The following GRM5 variants were observed in gnomAD, a reference collection of about 807,000 sequenced individuals.
GRM5 encodes metabotropic glutamate receptor 5.
In GRM5, 19 loss-of-function variants were observed where a neutral mutation model predicts 83.1. The observed-to-expected ratio is 0.23, with a 90% CI of 0.16 to 0.34. The LOEUF is 0.34. Ranked by LOEUF, GRM5 falls within the 10% of genes least tolerant of loss-of-function variation. The probability of loss-of-function intolerance (pLI) is 1.00; values close to 1 mark genes in which losing one functional copy is unlikely to be tolerated. For synonymous variants in GRM5, 675 were observed against 633.6 expected, an observed-to-expected ratio of 1.07 and a Z score of -0.98; for missense variants, 1,160 against 1,588.3, an observed-to-expected ratio of 0.73 and a Z score of 4.58.
At chr11:88,858,774 G>T (rs1478689903) in intron 2 of GRM5, among the ~76,000 whole-genome samples, 3 of 151,970 alleles carry the variant, frequency 2.0e-5, no homozygotes, top group African/African-American at 7.2e-5. Context: ...AATTTGGAAA[G>T]AAATTTTTAA....
At position 89,005,332 on chromosome 11, in the gene GRM5, T is replaced by C. The variant is rs1340608951; in HGVS notation, c.661+41880A>G. Among the ~76,000 whole-genome samples, 6 of 152,062 alleles carry C rather than the reference T, an allele frequency of 3.9e-5. 1 individual carries two copies. The South Asian group carries it at 6.2e-4, about 16-fold the overall frequency. ...CTATACATTTCATATCGGGAAGGAATTGGAAAGAGCAGAAATAACAGGAGT... is the reference window on the plus strand; with the variant it reads ...CTATACATTTCATATCGGGAAGGAACTGGAAAGAGCAGAAATAACAGGAGT... On this transcript the variant is annotated intron_variant, in intron 2 of 9. Transcript: ENST00000305447.
At chr11:88,781,604 G>T (rs1942978382) in intron 3 of GRM5, among the ~76,000 whole-genome samples, 1 of 152,130 alleles carries the variant, frequency 6.6e-6, no homozygotes, top group Non-Finnish European at 1.5e-5. Context: ...TCTCACAAAT[G>T]GTTCCCTGGT....
At chr11:89,007,717 A>G (rs1940571377) in intron 2 of GRM5, among the ~76,000 whole-genome samples, 1 of 152,218 alleles carries the variant, frequency 6.6e-6, no homozygotes, top group Non-Finnish European at 1.5e-5. Flanking sequence ...AACCTCTGGT[A>G]GCAGAATGCA....
At chr11:88,516,776 A>G (rs1260102778) in intron 9 of GRM5, among the ~76,000 whole-genome samples, 1 of 151,530 alleles carries the variant, frequency 6.6e-6, no homozygotes, top group Non-Finnish European at 1.5e-5. Context: ...TGTCAGTTCT[A>G]GTCCCATTTC....
At chr11:88,717,363 A>G (rs1235625889) in intron 3 of GRM5, among the ~76,000 whole-genome samples, 1 of 151,944 alleles carries the variant, frequency 6.6e-6, no homozygotes, top group African/African-American at 2.4e-5. Flanking sequence ...GGCTAACATT[A>G]TTTATTGAAT....
intron 3 of GRM5, among the ~76,000 whole-genome samples, chr11:88,797,506 A>G (rs923074313): frequency 6.6e-6 from 1 of 152,258 alleles, no homozygotes; most frequent in African/African-American, 2.4e-5. Context: ...TATAATAAGC[A>G]TATCTTAAAT....
intron 2 of GRM5, among the ~76,000 whole-genome samples, chr11:89,041,882 C>A (rs1444931406): frequency 6.6e-6 from 1 of 152,040 alleles, no homozygotes; most frequent in Non-Finnish European, 1.5e-5. Context: ...ACAATCAATC[C>A]ATAATTTCAA....
intron 2 of GRM5, among the ~76,000 whole-genome samples, chr11:88,895,305 C>T (rs1430073845): frequency 6.6e-6 from 1 of 151,710 alleles, no homozygotes; most frequent in Non-Finnish European, 1.5e-5. Flanking sequence ...TGGAGGTAAC[C>T]CTACATCCTA....
chr11:88,971,315 A>C (rs1160643502), intron 2 of GRM5, among the ~76,000 whole-genome samples: 1 of 152,164 alleles, frequency 6.6e-6, no homozygotes, highest in East Asian at 1.9e-4. Context: ...TCACCGGCAC[A>C]TGTGCGGGTT....
At chr11:88,698,087 G>A (rs758383022) in intron 3 of GRM5, among the ~76,000 whole-genome samples, 24 of 152,100 alleles carry the variant, frequency 1.6e-4, no homozygotes, top group African/African-American at 2.9e-4. Context: ...ATTCAGACTC[G>A]TCCTCTGCCA....
At chr11:88,993,379 G>C (rs1336779826) in intron 2 of GRM5, among the ~76,000 whole-genome samples, 2 of 151,756 alleles carry the variant, frequency 1.3e-5, no homozygotes, top group Non-Finnish European at 2.9e-5. Flanking sequence ...TGTGTTCTTG[G>C]TACCCTTATT....
intron 8 of GRM5, among the ~76,000 whole-genome samples, chr11:88,556,631 C>T (rs1942635437): frequency 2.0e-5 from 3 of 152,052 alleles, no homozygotes. Context: ...CTGTGGGATA[C>T]ATCCTGTATT....
intron 8 of GRM5, among the ~76,000 whole-genome samples, chr11:88,549,235 G>T (rs568443327): frequency 2.6e-5 from 4 of 152,088 alleles, no homozygotes; most frequent in Non-Finnish European, 5.9e-5. Context: ...AGACCAGGGA[G>T]GGTGGATTTC....
At chr11:88,719,735 T>A (rs1263880794) in intron 3 of GRM5, among the ~76,000 whole-genome samples, 1 of 151,986 alleles carries the variant, frequency 6.6e-6, no homozygotes, top group Non-Finnish European at 1.5e-5. Flanking sequence ...CTATTGGCTC[T>A]TGACTTTAAT....
intron 2 of GRM5, among the ~76,000 whole-genome samples, chr11:88,975,065 T>C (rs115412296): frequency 0.022 from 3,394 of 152,314 alleles, 130 homozygotes; most frequent in African/African-American, 0.078. Context: ...CAGATAAATA[T>C]GTATTTGAGA....
intron 1 of GRM5, among the ~76,000 whole-genome samples, chr11:89,064,925 AGAGAGAGAGAGAGAGG>A (rs1298973115): frequency 2.4e-4 from 17 of 70,032 alleles, no homozygotes; most frequent in East Asian, 4.6e-4. Flanking sequence ...TGAGAGAGAG[AGAGAGAGAGAGAGAGG>A]GAGAGAGAGA....
chr11:88,940,676 T>C (rs1938060612), intron 2 of GRM5, among the ~76,000 whole-genome samples: 1 of 151,674 alleles, frequency 6.6e-6, no homozygotes, highest in East Asian at 1.9e-4. Context: ...TATAAACCTA[T>C]GGAAAGTATA....
chr11:88,985,723 C>G (rs1404240046), intron 2 of GRM5, among the ~76,000 whole-genome samples: 1 of 152,130 alleles, frequency 6.6e-6, no homozygotes, highest in Admixed American at 6.5e-5. Flanking sequence ...CATAGCAACA[C>G]TAAAGCATTT....
chr11:88,807,606 G>T (rs1207301166), intron 3 of GRM5, among the ~76,000 whole-genome samples: 1 of 152,036 alleles, frequency 6.6e-6, no homozygotes, highest in East Asian at 1.9e-4. Context: ...TTGATGGTAT[G>T]CCATCTTTTT....
Sources: gnomAD v4.1 joint callset for allele counts (sites outside exome capture counted in the v4.1 genomes callset) on GRCh38, gnomAD v4.1.1 for gene constraint, MANE v1.5 for transcripts, NCBI Gene and HGNC (gene_info 2026-07-23, HGNC 2026-07-21) for gene names.